GPHN: variants seen among roughly 807,000 people sequenced by gnomAD.
GPHN encodes the protein gephyrin.
GPHN carries 17 observed loss-of-function variants against 95.5 expected under a neutral mutation model. The observed-to-expected ratio is 0.18, with a 90% CI of 0.12 to 0.27. GPHN has a LOEUF of 0.27. Among genes scored for constraint, GPHN ranks in the 10% least tolerant of loss-of-function variants. The pLI, the probability that GPHN is intolerant of heterozygous loss-of-function variation, is 1.00. For synonymous variants in GPHN, 320 were observed against 322.5 expected (o/e 0.99, Z 0.08); for missense variants, 660 against 978.1 (o/e 0.67, Z 4.34).
At chr14:67,485,040 A>G in the GPHN span, among the ~76,000 whole-genome samples, 1 of 152,348 alleles carries the variant, frequency 6.6e-6, no homozygotes, top group South Asian at 2.1e-4. Flanking sequence ...ACTACTACAG[A>G]TGATATAACG....
chr14:66,641,356 T>G (rs2064397765), intron 1 of GPHN, among the ~76,000 whole-genome samples: 1 of 152,206 alleles, frequency 6.6e-6, no homozygotes. Flanking sequence ...CACTCTATAG[T>G]ATATGAAATG....
chr14:67,693,056 C>G, the GPHN span: 1 of 1,601,458 alleles, frequency 6.2e-7, no homozygotes. Flanking sequence ...CATTTTCCTG[C>G]AGACAGAGAA....
chr14:67,274,836 A>C, the GPHN span, among the ~76,000 whole-genome samples: 28,165 of 152,118 alleles, frequency 0.19, 3,027 homozygotes, highest in Non-Finnish European at 0.25. Flanking sequence ...GAGGTCCTTC[A>C]CATCCCTTGT....
At chr14:67,722,992 A>T in the GPHN span, among the ~76,000 whole-genome samples, 1 of 152,212 alleles carries the variant, frequency 6.6e-6, no homozygotes, top group African/African-American at 2.4e-5. Flanking sequence ...AAGTAGCTCA[A>T]CAAACACCTT....
chr14:66,956,641 A>G (rs1190751625), intron 8 of GPHN, among the ~76,000 whole-genome samples: 1 of 151,856 alleles, frequency 6.6e-6, no homozygotes, highest in African/African-American at 2.4e-5. Flanking sequence ...GCCAGTGATG[A>G]TGAGCATTTT....
the GPHN span, among the ~76,000 whole-genome samples, chr14:67,618,722 TG>T: frequency 6.6e-6 from 1 of 152,156 alleles, no homozygotes; most frequent in Admixed American, 6.6e-5. Flanking sequence ...CTGATGCTGC[TG>T]GTCTGGGACC....
At position 67,100,850 on chromosome 14, in the gene GPHN, T is replaced by C. The variant is rs750581527; in HGVS notation, c.1238-6T>C. 6.3e-7 allele frequency: 1 copy of C among 1,596,718 alleles called. No individual in the cohort carries two copies. Among genetic ancestry groups the C allele is most frequent in the Admixed American group, 1.7e-5 (1 of 60,004 alleles). ...TGTTTGTTCTTGGCTCTGTTCCATC[T>C]CACAGCTGCTGATGGCCCAGGAGAT... On this transcript the variant is annotated splice_region_variant and splice_polypyrimidine_tract_variant and intron_variant, in intron 12 of 22. Coordinates refer to ENST00000478722, the MANE Select transcript of GPHN (RefSeq NM_020806.5).
chr14:67,509,915 C>T, the GPHN span, among the ~76,000 whole-genome samples: 1 of 152,084 alleles, frequency 6.6e-6, no homozygotes, highest in African/African-American at 2.4e-5. Flanking sequence ...GAGGCTGAGG[C>T]AGGAGGATCA....
chr14:67,239,576 C>T, the GPHN span, among the ~76,000 whole-genome samples: 1 of 152,154 alleles, frequency 6.6e-6, no homozygotes, highest in African/African-American at 2.4e-5. Context: ...AACTTAGAGG[C>T]GGGGCACGGT....
At chr14:67,429,378 C>T in the GPHN span, among the ~76,000 whole-genome samples, 1 of 151,714 alleles carries the variant, frequency 6.6e-6, no homozygotes, top group Middle Eastern at 3.4e-3. Context: ...TTACAGGCAC[C>T]CACCACCACG....
intron 8 of GPHN, among the ~76,000 whole-genome samples, chr14:66,939,510 C>T (rs1490582997): frequency 6.6e-6 from 1 of 152,044 alleles, no homozygotes; most frequent in Non-Finnish European, 1.5e-5. Flanking sequence ...AAGAGAGAAT[C>T]CTGCTAGCAG....
At chr14:66,778,727 T>C (rs923236421) in intron 3 of GPHN, among the ~76,000 whole-genome samples, 2 of 67,124 alleles carry the variant, frequency 3.0e-5, no homozygotes, top group South Asian at 1.3e-3. Flanking sequence ...CTCAAGGGGC[T>C]TTTTTTTTTT....
chr14:66,724,110 A>G lies in GPHN; in HGVS notation c.143+42925A>G, dbSNP rs117604273. Among the ~76,000 whole-genome samples, 41 of 152,278 alleles carry G rather than the reference A, an allele frequency of 2.7e-4. No homozygotes were observed. The East Asian group carries it at 7.3e-3, about 27-fold the overall frequency. On this transcript the variant is annotated intron_variant, in intron 2 of 22. Transcript: ENST00000478722. ...ATAGTAATGTGAACTCAACTGGTTT[A>G]TATAAAATCTTGTCTTTTCGCCAGC...
chr14:66,918,584 A>G (rs567263293), intron 6 of GPHN, among the ~76,000 whole-genome samples: 1 of 152,280 alleles, frequency 6.6e-6, no homozygotes, highest in South Asian at 2.1e-4. Flanking sequence ...TTTGTGTGAA[A>G]TCTTGAATTA....
chr14:67,519,636 C>G, the GPHN span, among the ~76,000 whole-genome samples: 37 of 152,062 alleles, frequency 2.4e-4, no homozygotes, highest in Admixed American at 1.2e-3. Context: ...CAAGTACCCC[C>G]CAAACAGCGA....
chr14:66,525,786 A>G (rs537172557), intron 1 of GPHN, among the ~76,000 whole-genome samples: 2 of 152,300 alleles, frequency 1.3e-5, no homozygotes, highest in Non-Finnish European at 2.9e-5. Context: ...GTCAAAAATA[A>G]AATGGTTGTA....
At chr14:66,814,081 C>G (rs1410687173) in intron 3 of GPHN, among the ~76,000 whole-genome samples, 1 of 152,206 alleles carries the variant, frequency 6.6e-6, no homozygotes, top group African/African-American at 2.4e-5. Context: ...AGCCAGCACA[C>G]AGGAACGCAG....
chr14:66,701,548 C>T (rs2068559482), intron 2 of GPHN, among the ~76,000 whole-genome samples: 1 of 152,166 alleles, frequency 6.6e-6, no homozygotes, highest in Non-Finnish European at 1.5e-5. Context: ...TGGCAGCCCA[C>T]TTGGGAGCCA....
chr14:66,607,984 T>A lies in GPHN; in HGVS notation c.65-73123T>A, dbSNP rs569842987. On this transcript the variant is annotated intron_variant, in intron 1 of 22. Transcript: ENST00000478722. ...TTGATCTTTTGTATGGATTTTTGTG[T>A]CTTAATTTAATTCAGTTCTGATCTT... Among the ~76,000 whole-genome samples the A allele has an allele frequency of 4.6e-5, 7 of 151,780 alleles. No homozygotes were observed. The East Asian group carries it at 1.3e-3, about 29-fold the overall frequency.
Sources: allele counts gnomAD v4.1 joint callset (sites outside exome capture counted in the v4.1 genomes callset), GRCh38; gene constraint gnomAD v4.1.1; transcripts MANE v1.5; gene names NCBI Gene and HGNC (gene_info 2026-07-23, HGNC 2026-07-21).